Variants in CSMD1 observed in about 807,000 individuals in gnomAD.
CSMD1 encodes CUB and sushi domain-containing protein 1.
In CSMD1, 213 loss-of-function variants were observed where a neutral mutation model predicts 417.5. The observed-to-expected ratio is 0.51, with a 90% confidence interval of 0.46 to 0.57. The LOEUF (loss-of-function observed/expected upper bound fraction) is 0.57. Ranked by LOEUF, CSMD1 falls within the 20% of genes least tolerant of loss-of-function variation. The pLI is 0.00. For synonymous variants in CSMD1, 2,862 were observed against 1,736.8 expected (o/e 1.65, Z -16.11); for missense variants, 6,923 against 4,529.7 (o/e 1.53, Z -15.17).
intron 2 of CSMD1, among the ~76,000 whole-genome samples, chr8:4,622,474 C>G (rs1470813295): frequency 6.6e-6 from 1 of 152,104 alleles, no homozygotes; most frequent in Non-Finnish European, 1.5e-5. Flanking sequence ...TGCTGACTGG[C>G]ACATAATCAG....
At chr8:3,442,648 T>G (rs768337202) in intron 12 of CSMD1, among the ~76,000 whole-genome samples, 1 of 152,200 alleles carries the variant, frequency 6.6e-6, no homozygotes, top group African/African-American at 2.4e-5. Context: ...CCACGATGTT[T>G]GCATACTGTT....
intron 7 of CSMD1, among the ~76,000 whole-genome samples, chr8:3,707,595 G>T (rs1801243200): frequency 6.6e-6 from 1 of 152,212 alleles, no homozygotes; most frequent in South Asian, 2.1e-4. Context: ...AACCCTCAGT[G>T]AAGCTGGTAC....
At chr8:3,802,912 G>C (rs554034439) in intron 5 of CSMD1, among the ~76,000 whole-genome samples, 3 of 152,184 alleles carry the variant, frequency 2.0e-5, no homozygotes, top group South Asian at 2.1e-4. Context: ...AGGAAAACAG[G>C]AATTTTGAAA....
intron 16 of CSMD1, among the ~76,000 whole-genome samples, chr8:3,398,056 A>G (rs1811809598): frequency 6.6e-6 from 1 of 152,212 alleles, no homozygotes; most frequent in Non-Finnish European, 1.5e-5. Context: ...CACTGAAACA[A>G]TACTGAATGA....
chr8:3,268,576 G>C (rs192091326), intron 26 of CSMD1, among the ~76,000 whole-genome samples: 21 of 152,126 alleles, frequency 1.4e-4, no homozygotes, highest in Non-Finnish European at 2.5e-4. Context: ...GTGAGCCACC[G>C]TGCCAGGCCC....
At chr8:4,302,641 T>C (rs1229436402) in intron 3 of CSMD1, among the ~76,000 whole-genome samples, 1 of 152,160 alleles carries the variant, frequency 6.6e-6, no homozygotes, top group East Asian at 1.9e-4. Context: ...GACACAAAGG[T>C]CAAAACTAAT....
intron 12 of CSMD1, among the ~76,000 whole-genome samples, chr8:3,448,957 G>A (rs1449187254): frequency 6.6e-6 from 1 of 152,186 alleles, no homozygotes; most frequent in African/African-American, 2.4e-5. Flanking sequence ...GAAAGAAGGT[G>A]ACAGCCAATC....
intron 2 of CSMD1, among the ~76,000 whole-genome samples, chr8:4,497,329 A>G (rs934878602): frequency 6.6e-6 from 1 of 152,216 alleles, no homozygotes; most frequent in African/African-American, 2.4e-5. Context: ...CACTTGACAA[A>G]GTAAATCTAT....
intron 5 of CSMD1, among the ~76,000 whole-genome samples, chr8:3,973,088 C>G (rs568087526): frequency 9.8e-5 from 15 of 152,304 alleles, no homozygotes; most frequent in Non-Finnish European, 1.8e-4. Context: ...TACAGAATAC[C>G]TAATTTTTGC....
chr8:4,282,779 T>C (rs1304680805), intron 3 of CSMD1, among the ~76,000 whole-genome samples: 3 of 152,214 alleles, frequency 2.0e-5, no homozygotes, highest in Non-Finnish European at 4.4e-5. Context: ...GAGAGCTTTT[T>C]ATAGTAATTA....
chr8:4,115,290 A>G (rs188868039), intron 3 of CSMD1, among the ~76,000 whole-genome samples: 6 of 152,332 alleles, frequency 3.9e-5, no homozygotes, highest in African/African-American at 1.4e-4. Flanking sequence ...AATTTTTAGC[A>G]TTTTTGGCAA....
chr8:4,716,683 C>G (rs148438926), intron 1 of CSMD1, among the ~76,000 whole-genome samples: 36 of 152,282 alleles, frequency 2.4e-4, no homozygotes, highest in Non-Finnish European at 2.8e-4. Flanking sequence ...CTAAATATAT[C>G]TGATAATTAG....
intron 7 of CSMD1, among the ~76,000 whole-genome samples, chr8:3,669,030 T>C (rs114177543): frequency 6.6e-6 from 1 of 152,136 alleles, no homozygotes; most frequent in Non-Finnish European, 1.5e-5. Context: ...GTTATACCTT[T>C]AGAGTTTACC....
At chr8:4,672,728 C>G (rs768967604) in intron 1 of CSMD1, among the ~76,000 whole-genome samples, 4 of 152,160 alleles carry the variant, frequency 2.6e-5, no homozygotes, top group Non-Finnish European at 5.9e-5. Context: ...GGTGACACAA[C>G]ACACGCACTC....
intron 25 of CSMD1, among the ~76,000 whole-genome samples, chr8:3,287,302 T>C (rs1374031834): frequency 1.3e-5 from 2 of 152,012 alleles, no homozygotes; most frequent in Non-Finnish European, 2.9e-5. Context: ...TTTGGTTCCA[T>C]ATGAACTTTA....
intron 1 of CSMD1, among the ~76,000 whole-genome samples, chr8:4,838,692 T>C (rs1053165759): frequency 1.3e-5 from 2 of 152,200 alleles, no homozygotes; most frequent in African/African-American, 4.8e-5. Flanking sequence ...GAGACCTTTA[T>C]TTGCAGAGGA....
At chr8:3,775,621 AC>A (rs1447636126) in intron 5 of CSMD1, among the ~76,000 whole-genome samples, 1 of 152,070 alleles carries the variant, frequency 6.6e-6, no homozygotes, top group Non-Finnish European at 1.5e-5. Flanking sequence ...AATTGTTGGG[AC>A]TCATGTGCTC....
At chr8:4,244,289 G>C (rs913347966) in intron 3 of CSMD1, among the ~76,000 whole-genome samples, 1 of 152,126 alleles carries the variant, frequency 6.6e-6, no homozygotes, top group Admixed American at 6.6e-5. Context: ...GGGTCTTCGG[G>C]AAACACTATG....
At chr8:3,018,432 AG>A in intron 52 of CSMD1, 44 bp downstream of exon 52, 1 of 1,569,396 alleles carries the variant, frequency 6.4e-7, no homozygotes, top group Non-Finnish European at 8.7e-7. Context: ...TCTATTTCTA[AG>A]GTTTATCTGC....
Sources: gnomAD v4.1 joint callset for allele counts (sites outside exome capture counted in the v4.1 genomes callset) on GRCh38, gnomAD v4.1.1 for gene constraint, MANE v1.5 for transcripts, NCBI Gene and HGNC (gene_info 2026-07-23, HGNC 2026-07-21) for gene names.